Variants in DAOA observed in about 807,000 individuals in gnomAD.
DAOA encodes the protein D-amino acid oxidase activator, also known as D-amino acid oxidase regulator.
Under a neutral mutation model 16.4 loss-of-function variants are expected in DAOA, and 15 were observed. The ratio of observed to expected loss-of-function variants is 0.91; its 90% CI spans 0.61 to 1.41. The LOEUF (loss-of-function observed/expected upper bound fraction) is 1.41, where lower values mean the gene tolerates loss of function less well. Among genes scored for constraint, DAOA ranks in the 40% most tolerant of loss-of-function variants. DAOA has a pLI of 0.00. For synonymous variants in DAOA, 75 were observed against 59.1 expected, an observed-to-expected ratio of 1.27 and a Z score of -1.23; for missense variants, 230 against 176.8, an observed-to-expected ratio of 1.30 and a Z score of -1.71.
intron 4 of DAOA, among the ~76,000 whole-genome samples, chr13:105,487,754 G>T (rs76945361): frequency 0.037 from 5,589 of 152,102 alleles, 137 homozygotes; most frequent in South Asian, 0.064. Flanking sequence ...AATTCCAAAT[G>T]CCTTCTTTTG....
At chr13:105,473,357 TC>T (rs1877121856) in intron 4 of DAOA, among the ~76,000 whole-genome samples, 3 of 152,064 alleles carry the variant, frequency 2.0e-5, no homozygotes, top group Admixed American at 1.3e-4. Flanking sequence ...TGGGACTTTT[TC>T]CCCTAAATAA....
intron 4 of DAOA, among the ~76,000 whole-genome samples, chr13:105,487,070 T>A (rs1228444502): frequency 6.6e-6 from 1 of 152,052 alleles, no homozygotes; most frequent in Non-Finnish European, 1.5e-5. Flanking sequence ...GGAATTAGGG[T>A]AAGAGGAGAA....
chr13:105,487,009 A>G (rs1878158620), intron 4 of DAOA, among the ~76,000 whole-genome samples: 1 of 152,064 alleles, frequency 6.6e-6, no homozygotes, highest in Admixed American at 6.6e-5. Flanking sequence ...TCCATGGGTA[A>G]CCTTAGTCAT....
At chr13:105,475,871 C>G (rs1318314784) in intron 4 of DAOA, among the ~76,000 whole-genome samples, 1 of 152,070 alleles carries the variant, frequency 6.6e-6, no homozygotes, top group Non-Finnish European at 1.5e-5. Context: ...ATTTACAGAA[C>G]TTAGCAGGAA....
At position 105,479,102 on chromosome 13, in the gene DAOA, G is replaced by A. The variant is rs191740440; in HGVS notation, c.281+6417G>A. ...CATTTATCTTTATCTCTTTATCTTC[G>A]CTATAAATTTCTCCTCACCTTTTAG... On this transcript the variant is annotated intron_variant, in intron 4 of 5. Transcript: ENST00000375936. Among the ~76,000 whole-genome samples the A allele has an allele frequency of 2.0e-5, 3 of 152,054 alleles. No homozygotes were observed. In the East Asian group the frequency reaches 5.8e-4, roughly 29 times the overall value.
intron 4 of DAOA, among the ~76,000 whole-genome samples, chr13:105,482,327 T>C (rs1199527110): frequency 7.2e-5 from 11 of 151,976 alleles, no homozygotes; most frequent in Admixed American, 7.2e-4. Flanking sequence ...ATAATGTTAC[T>C]TCTGAAACGA....
rs545906297 is a variant in DAOA at position 105,489,094 on chromosome 13, G to A, written c.282-807G>A. On this transcript the variant is annotated intron_variant, in intron 4 of 5. Coordinates refer to ENST00000375936, the MANE Select transcript of DAOA (RefSeq NM_172370.5). Reference sequence around the variant, plus strand: ...ATACTGTGGGTAGTACTTACAGGACGGTGTGATTAACTCTATTACTTAGTG... The same window carrying A: ...ATACTGTGGGTAGTACTTACAGGACAGTGTGATTAACTCTATTACTTAGTG... Among the ~76,000 whole-genome samples, 17 of 152,244 alleles carry A rather than the reference G, an allele frequency of 1.1e-4. No individual in the cohort carries two copies. In the South Asian group the frequency reaches 1.5e-3, roughly 13 times the overall value.
intron 4 of DAOA, among the ~76,000 whole-genome samples, chr13:105,480,328 C>T (rs1877627210): frequency 6.6e-6 from 1 of 151,932 alleles, no homozygotes; most frequent in Admixed American, 6.6e-5. Flanking sequence ...TTTACCTTTT[C>T]TGGCTTGTGT....
At chr13:105,476,520 T>A (rs980474667) in intron 4 of DAOA, among the ~76,000 whole-genome samples, 24 of 116,400 alleles carry the variant, frequency 2.1e-4, no homozygotes, top group African/African-American at 7.5e-4. Context: ...AAAAAAAAAA[T>A]TACATATGAG....
intron 4 of DAOA, among the ~76,000 whole-genome samples, chr13:105,477,766 A>G (rs1006915667): frequency 2.6e-5 from 4 of 152,174 alleles, no homozygotes; most frequent in African/African-American, 9.7e-5. Flanking sequence ...GAAAAACATG[A>G]TTTGTGAGAT....
chr13:105,479,030 T>C (rs1293516424), intron 4 of DAOA, among the ~76,000 whole-genome samples: 1 of 152,204 alleles, frequency 6.6e-6, no homozygotes, highest in Non-Finnish European at 1.5e-5. Context: ...CACTAACATA[T>C]ACTTAGGTTT....
intron 4 of DAOA, among the ~76,000 whole-genome samples, chr13:105,476,331 A>G (rs1287104537): frequency 2.0e-5 from 3 of 152,040 alleles, no homozygotes; most frequent in Admixed American, 2.0e-4. Flanking sequence ...GTCATTTCCA[A>G]ATGTCTATGT....
intron 4 of DAOA, among the ~76,000 whole-genome samples, chr13:105,489,412 T>C (rs1024812727): frequency 1.3e-5 from 2 of 152,204 alleles, no homozygotes; most frequent in Admixed American, 1.3e-4. Context: ...TCACATCAGG[T>C]TTGAATCAGG....
Position 105,490,100 on chromosome 13 carries a change from C to G in DAOA, c.*19C>G. On this transcript the variant is annotated 3_prime_UTR_variant, in exon 5 of 6. Coordinates refer to ENST00000375936, the MANE Select transcript of DAOA (RefSeq NM_172370.5). ...TGAATGAGTTTGGAAGCAGATTCTT[C>G]CCAGCCAATCCTTCTGATGACAATG... 6.5e-7 allele frequency: 1 copy of G among 1,541,436 alleles called. No homozygotes were observed. The highest frequency in any genetic ancestry group is 8.8e-7 in the Non-Finnish European group (1 of 1,140,442).
At chr13:105,473,038 T>G (rs1411771789) in intron 4 of DAOA, among the ~76,000 whole-genome samples, 1 of 152,072 alleles carries the variant, frequency 6.6e-6, no homozygotes, top group Admixed American at 6.6e-5. Context: ...GTGATAATGT[T>G]GTGTCTCTCT....
chr13:105,486,965 C>T (rs1878155204), intron 4 of DAOA, among the ~76,000 whole-genome samples: 1 of 152,060 alleles, frequency 6.6e-6, no homozygotes, highest in African/African-American at 2.4e-5. Flanking sequence ...TCATTTTCTC[C>T]CCTCTCCATT....
In DAOA at chr13:105,472,559, G is replaced by C; in HGVS notation, c.155G>C (p.Arg52Thr). ...NSIAKETEEGRETVTRKEGWK... is the reference protein window; with the variant it reads ...NSIAKETEEGTETVTRKEGWK... Reference sequence around the variant, plus strand: ...GCAGCAAAGGAGACAGAAGAAGGAAGAGAGACGGTAACAAGGAAAGAAGGA... The same window carrying C: ...GCAGCAAAGGAGACAGAAGAAGGAACAGAGACGGTAACAAGGAAAGAAGGA... Residue 52 changes from arginine (R) to threonine (T), a missense_variant, in exon 4 of 6, where the codon AGA becomes ACA. Coordinates refer to ENST00000375936, the MANE Select transcript of DAOA (RefSeq NM_172370.5). The C allele has an allele frequency of 3.7e-6, 6 of 1,613,984 alleles. No homozygotes were observed. Among genetic ancestry groups the C allele is most frequent in the Non-Finnish European group, 5.1e-6 (6 of 1,179,902 alleles).
chr13:105,483,721 T>C (rs1201871456), intron 4 of DAOA, among the ~76,000 whole-genome samples: 1 of 152,110 alleles, frequency 6.6e-6, no homozygotes, highest in Non-Finnish European at 1.5e-5. Context: ...GGTTTCTTTA[T>C]ACTTTCTGGA....
At chr13:105,489,685 T>G in intron 4 of DAOA, 1 of 1,051,110 alleles carries the variant, frequency 9.5e-7, no homozygotes, top group Admixed American at 2.9e-5. Context: ...TCTTTGAAAT[T>G]ATATCCAAAT....
Sources: gnomAD v4.1 joint callset for allele counts (sites outside exome capture counted in the v4.1 genomes callset) on GRCh38, gnomAD v4.1.1 for gene constraint, MANE v1.5 for transcripts, NCBI Gene and HGNC (gene_info 2026-07-23, HGNC 2026-07-21) for gene names.